TCF4: variants seen among roughly 807,000 people sequenced by gnomAD.
TCF4 encodes the protein transcription factor 4.
Under a neutral mutation model 82.1 loss-of-function variants are expected in TCF4, and 3 were observed. The ratio of observed to expected loss-of-function variants is 0.04; its 90% CI spans 0.02 to 0.09. The LOEUF (loss-of-function observed/expected upper bound fraction) is 0.09. Ranked by LOEUF, TCF4 falls within the 10% of genes least tolerant of loss-of-function variation. The probability of loss-of-function intolerance (pLI) is 1.00; values close to 1 mark genes in which losing one functional copy is unlikely to be tolerated. For missense variants in TCF4, 518 were observed against 852.7 expected (o/e 0.61, Z 4.89); for synonymous variants, 276 against 309.6 (o/e 0.89, Z 1.14).
At chr18:55,409,218 G>C (rs2094233869) in intron 5 of TCF4, among the ~76,000 whole-genome samples, 1 of 152,134 alleles carries the variant, frequency 6.6e-6, no homozygotes, top group South Asian at 2.1e-4. Flanking sequence ...CTATAGAATA[G>C]TGATCCCACA....
chr18:55,390,180 G>A (rs1388982550), intron 6 of TCF4, among the ~76,000 whole-genome samples: 3 of 151,536 alleles, frequency 2.0e-5, no homozygotes, highest in Non-Finnish European at 4.4e-5. Flanking sequence ...TTCCAGATGT[G>A]GTGGCTCACA....
intron 6 of TCF4, among the ~76,000 whole-genome samples, chr18:55,381,654 T>C (rs17594301): frequency 0.11 from 17,156 of 152,268 alleles, 1,091 homozygotes; most frequent in African/African-American, 0.16. Context: ...GGAAACCAGC[T>C]ATGTGCACTT....
At chr18:55,611,985 G>A (rs1199241504) in intron 2 of TCF4, among the ~76,000 whole-genome samples, 1 of 152,104 alleles carries the variant, frequency 6.6e-6, no homozygotes, top group East Asian at 1.9e-4. Flanking sequence ...TGGCCAGGCT[G>A]GTCTCAAACT....
rs138700036 is a variant in TCF4 at position 55,552,580 on chromosome 18, C to T, written c.145+32700G>A. On this transcript the variant is annotated intron_variant, in intron 3 of 19. Transcript: ENST00000354452. Reference sequence around the variant, plus strand: ...GCCAAGAGGAGAAAAGGCCAGGCCACGGGACACACCAGTGCTGACTGTGAA... The same window carrying T: ...GCCAAGAGGAGAAAAGGCCAGGCCATGGGACACACCAGTGCTGACTGTGAA... Among the ~76,000 whole-genome samples, 343 of 152,272 alleles carry T rather than the reference C, an allele frequency of 2.3e-3. 1 individual carries two copies. The highest frequency in any genetic ancestry group is 7.5e-3 in the African/African-American group (311 of 41,542).
chr18:55,234,731 G>C, intron 15 of TCF4, 48 bp from the exon 16 acceptor site: 1 of 1,612,994 alleles, frequency 6.2e-7, no homozygotes, highest in Non-Finnish European at 8.5e-7. Flanking sequence ...CCGGAGGTGC[G>C]ACAGCTATTT....
intron 5 of TCF4, among the ~76,000 whole-genome samples, chr18:55,459,109 C>A (rs1335363018): frequency 6.6e-6 from 1 of 152,148 alleles, no homozygotes; most frequent in Non-Finnish European, 1.5e-5. Context: ...TATCACAATG[C>A]AGGAGACTGT....
At chr18:55,275,799 G>T in intron 9 of TCF4, 47 bp from the exon 10 acceptor site, 23 of 1,612,960 alleles carry the variant, frequency 1.4e-5, no homozygotes, top group Non-Finnish European at 2.0e-5. Flanking sequence ...ATTCAGCCTT[G>T]CCTTATAGAA....
chr18:55,229,192 T>G (rs772646077), intron 17 of TCF4, 116 bp from the exon 18 acceptor site: 26 of 1,183,814 alleles, frequency 2.2e-5, no homozygotes, highest in Admixed American at 3.6e-5. Context: ...TGCCATGTTT[T>G]TGGCAGAATT....
chr18:55,510,110 T>C (rs1436611185), intron 3 of TCF4, among the ~76,000 whole-genome samples: 5 of 129,904 alleles, frequency 3.8e-5, no homozygotes, highest in African/African-American at 1.2e-4. Context: ...AGTCTCCCCC[T>C]GATGTTCTAT....
intron 8 of TCF4, among the ~76,000 whole-genome samples, chr18:55,285,168 G>A (rs1379283256): frequency 6.6e-6 from 1 of 152,180 alleles, no homozygotes; most frequent in African/African-American, 2.4e-5. Context: ...GATGTACTCA[G>A]AAGACACAGC....
At chr18:55,391,790 TAGCC>T (rs1253791161) in intron 6 of TCF4, among the ~76,000 whole-genome samples, 1 of 149,800 alleles carries the variant, frequency 6.7e-6, no homozygotes, top group African/African-American at 2.5e-5. Context: ...AAAAAAAACT[TAGCC>T]AGCCCAGGTG....
chr18:55,614,614 A>AT (rs539708177), intron 2 of TCF4, among the ~76,000 whole-genome samples: 1 of 152,034 alleles, frequency 6.6e-6, no homozygotes, highest in East Asian at 1.9e-4. Flanking sequence ...GGTTCTTAAA[A>AT]TTTTTTTTGA....
chr18:55,437,250 C>A (rs983360410), intron 5 of TCF4, among the ~76,000 whole-genome samples: 20 of 152,182 alleles, frequency 1.3e-4, no homozygotes, highest in African/African-American at 4.8e-4. Context: ...AAAAATCACA[C>A]CTACCACATA....
chr18:55,320,428 A>G (rs1225068012), intron 8 of TCF4, among the ~76,000 whole-genome samples: 1 of 152,238 alleles, frequency 6.6e-6, no homozygotes, highest in Non-Finnish European at 1.5e-5. Flanking sequence ...CAAGTTGCCC[A>G]TTCATAAAAC....
intron 8 of TCF4, among the ~76,000 whole-genome samples, chr18:55,340,906 C>G (rs1306278682): frequency 6.6e-6 from 1 of 152,056 alleles, no homozygotes; most frequent in African/African-American, 2.4e-5. Flanking sequence ...AGTGACATAG[C>G]CCCCTAAAAA....
chr18:55,549,678 C>T (rs990993180), intron 3 of TCF4, among the ~76,000 whole-genome samples: 2 of 152,146 alleles, frequency 1.3e-5, no homozygotes, highest in Admixed American at 1.3e-4. Context: ...ATAACAAAGC[C>T]TTCTTCTGGA....
chr18:55,586,078 A>G (rs370297916), intron 2 of TCF4: 3 of 1,429,008 alleles, frequency 2.1e-6, no homozygotes, highest in African/African-American at 1.4e-5. Flanking sequence ...TTTCCTGGCA[A>G]AACTTCCGAA....
intron 3 of TCF4, among the ~76,000 whole-genome samples, chr18:55,478,954 TTTAA>T (rs1292544718): frequency 6.6e-6 from 1 of 151,924 alleles, no homozygotes; most frequent in Non-Finnish European, 1.5e-5. Flanking sequence ...AGGAATGAAG[TTTAA>T]TTACATGAAA....
At chr18:55,527,973 G>A (rs1485024181) in intron 3 of TCF4, among the ~76,000 whole-genome samples, 1 of 152,124 alleles carries the variant, frequency 6.6e-6, no homozygotes, top group Non-Finnish European at 1.5e-5. Flanking sequence ...AGAAGCCAGA[G>A]CTAAGATATT....
Sources: allele counts gnomAD v4.1 joint callset (sites outside exome capture counted in the v4.1 genomes callset), GRCh38; gene constraint gnomAD v4.1.1; transcripts MANE v1.5; gene names NCBI Gene and HGNC (gene_info 2026-07-23, HGNC 2026-07-21).